The following NPHP4 variants were observed in gnomAD, a reference collection of about 807,000 sequenced individuals.
NPHP4 encodes the protein nephrocystin-4.
In NPHP4, 151 loss-of-function variants were observed where a neutral mutation model predicts 155.8. That is an observed-to-expected ratio of 0.97 (90% CI 0.85 to 1.11). NPHP4 has a LOEUF of 1.11. NPHP4 is among the 50% of genes least tolerant of loss of function. The probability of loss-of-function intolerance (pLI) is 0.00; values close to 1 mark genes in which losing one functional copy is unlikely to be tolerated. For synonymous variants in NPHP4, 845 were observed against 816.8 expected (o/e 1.03, Z -0.59); for missense variants, 1,956 against 1,925.7 (o/e 1.02, Z -0.29).
In NPHP4 at chr1:5,914,590, A is replaced by G. The variant is rs1286749455; in HGVS notation, c.1442-5377T>C. On this transcript the variant is annotated intron_variant, in intron 11 of 29. Transcript: ENST00000378156. ...GCATTGCCAATTAAAAAGTGAAAAT[A>G]GAAGCAAGGGGAAAGGAAGGACATG... 2.8e-4 allele frequency among the ~76,000 whole-genome samples: 42 copies of G among 152,352 alleles called. 1 individual carries two copies. Among genetic ancestry groups the G allele is most frequent in the Admixed American group, 2.7e-3 (42 of 15,310 alleles).
chr1:5,978,296 G>A lies in NPHP4; in HGVS notation c.253C>T (p.Pro85Ser), dbSNP rs777893110. 1.2e-6 allele frequency: 2 copies of A among 1,608,426 alleles called. No individual in the cohort carries two copies. Among genetic ancestry groups the A allele is most frequent in the Non-Finnish European group, 1.7e-6 (2 of 1,177,774 alleles). The part of the protein sequence containing the change: ...WKTTVKPTKR[P>S]PSRIVFNEPL... ...TCATTAAAGACGATCCTGGACGGCG[G>A]TCTCTTCGTCGGCTTCACTGTGGTT... The change falls in exon 3 of 30, where the codon CCG (proline) becomes TCG (serine). Residue 85 changes from proline (P) to serine (S), a missense_variant. Physicochemically the swap from Pro to Ser is moderately conservative, Grantham distance 74. Transcript: ENST00000378156.
rs145724031 is a variant in NPHP4, at chr1:5,892,212, C to T, written c.2144-1184G>A. ...ATCTAGTGAGAGCTCCCAGCATGAG[C>T]GACGCAGAAGATGGGTGATTTCTGC... On this transcript the variant is annotated intron_variant, in intron 16 of 29. Coordinates refer to ENST00000378156, the MANE Select transcript of NPHP4 (RefSeq NM_015102.5). The surrounding 1 kb of genome is among the most constrained non-coding windows in gnomAD (Gnocchi z 4.5). Among the ~76,000 whole-genome samples, 526 of 152,312 alleles carry T rather than the reference C, an allele frequency of 3.5e-3. 2 individuals are homozygous for T. The highest frequency in any genetic ancestry group is 0.012 in the African/African-American group (504 of 41,566).
At chr1:5,930,331 A>C (rs1162967603) in intron 10 of NPHP4, among the ~76,000 whole-genome samples, 1 of 152,086 alleles carries the variant, frequency 6.6e-6, no homozygotes, top group African/African-American at 2.4e-5. Flanking sequence ...TTGACTTCTG[A>C]ATAGCTTTGG....
At position 5,944,186 on chromosome 1, in the gene NPHP4, G is replaced by C. The variant is rs924224929; in HGVS notation, c.1119+2918C>G. On this transcript the variant is annotated intron_variant, in intron 9 of 29. Coordinates refer to ENST00000378156, the MANE Select transcript of NPHP4 (RefSeq NM_015102.5). This position sits in a 1 kb window ranked among gnomAD's most constrained non-coding sequence, Gnocchi z 4.3. ...AAGCTGGCAGCCGGGGAAGCTCCGT[G>C]GGGCCCATCGCACCAGCCAGCCTGT... 6.6e-6 allele frequency among the ~76,000 whole-genome samples: 1 copy of C among 152,222 alleles called. No homozygotes were observed. Among genetic ancestry groups the C allele is most frequent in the Admixed American group, 6.5e-5 (1 of 15,284 alleles).
chr1:5,920,842 A>G (rs1020598160), intron 11 of NPHP4, among the ~76,000 whole-genome samples: 1 of 152,194 alleles, frequency 6.6e-6, no homozygotes, highest in African/African-American at 2.4e-5. Context: ...TTTCTCACAC[A>G]GAAGTTTTAT....
intron 6 of NPHP4, among the ~76,000 whole-genome samples, chr1:5,958,968 T>G (rs1649782594): frequency 6.9e-6 from 1 of 144,340 alleles, no homozygotes; most frequent in Non-Finnish European, 1.5e-5. Flanking sequence ...CACACGGCAC[T>G]GGCACCCCAA....
At chr1:5,964,827 C>CCTCA (rs1213828513) in intron 5 of NPHP4, among the ~76,000 whole-genome samples, 1 of 146,260 alleles carries the variant, frequency 6.8e-6, no homozygotes, top group Non-Finnish European at 1.5e-5. Flanking sequence ...GGAAAGGAGA[C>CCTCA]CTCACTCTCA....
intron 1 of NPHP4, among the ~76,000 whole-genome samples, chr1:5,989,645 G>A (rs192694432): frequency 6.6e-6 from 1 of 152,364 alleles, no homozygotes; most frequent in Non-Finnish European, 1.5e-5. Context: ...ATAACATTCA[G>A]AAATGTATTC....
At chr1:5,891,626 T>C (rs367576205) in intron 16 of NPHP4, among the ~76,000 whole-genome samples, 1 of 152,200 alleles carries the variant, frequency 6.6e-6, no homozygotes, top group Non-Finnish European at 1.5e-5. Flanking sequence ...AATTCTAAAT[T>C]GACAAAAATG....
chr1:5,990,811 C>G (rs1295322654), intron 1 of NPHP4, among the ~76,000 whole-genome samples: 1 of 152,218 alleles, frequency 6.6e-6, no homozygotes, highest in Non-Finnish European at 1.5e-5. Flanking sequence ...TCTTTAACTT[C>G]AGGACAGATT....
intron 1 of NPHP4, among the ~76,000 whole-genome samples, chr1:5,989,575 G>A (rs563635895): frequency 1.3e-5 from 2 of 152,300 alleles, no homozygotes; most frequent in South Asian, 2.1e-4. Context: ...AAATGGTCAC[G>A]GAACCAAACA....
At chr1:5,869,122 C>A (rs533785443) in intron 23 of NPHP4, among the ~76,000 whole-genome samples, 20 of 131,660 alleles carry the variant, frequency 1.5e-4, no homozygotes, top group African/African-American at 5.3e-4. Flanking sequence ...CATGCACACA[C>A]GCACAATGCA....
At chr1:5,871,438 G>A (rs1641995746) in intron 23 of NPHP4, among the ~76,000 whole-genome samples, 1 of 152,180 alleles carries the variant, frequency 6.6e-6, no homozygotes, top group Non-Finnish European at 1.5e-5. Context: ...TCATTTATTT[G>A]AAAATTGATA....
intron 27 of NPHP4, 162 bp from the exon 28 acceptor site, chr1:5,864,679 C>A (rs11805141): frequency 1.7e-5 from 10 of 603,688 alleles, no homozygotes; most frequent in East Asian, 2.9e-5. Context: ...TGACTGTGGC[C>A]GCGACTTGGG....
chr1:5,951,925 T>C lies in NPHP4; in HGVS notation c.810+775A>G, dbSNP rs1179456476. On this transcript the variant is annotated intron_variant, in intron 7 of 29. Transcript: ENST00000378156. ...GAGCCGGAGAGGAAACCCCAGCGCATGCTGCGTACTAGGCAGGCTGAGCTC... is the reference window on the plus strand; with the variant it reads ...GAGCCGGAGAGGAAACCCCAGCGCACGCTGCGTACTAGGCAGGCTGAGCTC... Among the ~76,000 whole-genome samples, 5 of 152,304 alleles carry C rather than the reference T, an allele frequency of 3.3e-5. No homozygotes were observed. The South Asian group carries it at 1.0e-3, about 32-fold the overall frequency.
At chr1:5,876,027 T>A (rs1642564105) in intron 20 of NPHP4, 1 of 152,294 alleles carries the variant, frequency 6.6e-6, no homozygotes, top group African/African-American at 2.4e-5. Context: ...GGGGCCTCCA[T>A]CAGAATTTCA....
chr1:5,934,904 G>C (rs916120967), intron 9 of NPHP4, among the ~76,000 whole-genome samples: 2 of 152,162 alleles, frequency 1.3e-5, no homozygotes, highest in Non-Finnish European at 2.9e-5. Flanking sequence ...GGGGTCCTAA[G>C]GGACTTTGCT....
In NPHP4 at chr1:5,967,368, AAGACAGGACC is replaced by A. The variant is rs1364137478; in HGVS notation, c.453-15_453-6del. ...GTGCCATGGTACAGCCGCAACCTGGAAGACAGGACCCAGAGAACAGTCGTCAGCCACGTGC... is the reference window on the plus strand; with the variant it reads ...GTGCCATGGTACAGCCGCAACCTGGACAGAGAACAGTCGTCAGCCACGTGC... On this transcript the variant is annotated splice_region_variant and splice_polypyrimidine_tract_variant and intron_variant, in intron 4 of 29. Transcript: ENST00000378156. 1 of 1,603,694 alleles carries A rather than the reference AAGACAGGACC, an allele frequency of 6.2e-7. No homozygotes were observed. Among genetic ancestry groups the A allele is most frequent in the East Asian group, 2.2e-5 (1 of 44,552 alleles).
intron 18 of NPHP4, among the ~76,000 whole-genome samples, chr1:5,885,006 C>T (rs1199573200): frequency 1.6e-4 from 22 of 134,530 alleles, no homozygotes; most frequent in African/African-American, 5.9e-4. Context: ...AGCTCCCAGC[C>T]GAGCCCATCC....
Sources: allele counts gnomAD v4.1 joint callset (sites outside exome capture counted in the v4.1 genomes callset), GRCh38; gene constraint gnomAD v4.1.1; non-coding constraint Gnocchi (gnomAD v3.1); transcripts MANE v1.5; gene names NCBI Gene and HGNC (gene_info 2026-07-23, HGNC 2026-07-21).